The following ACIN1 variants were observed in gnomAD, a reference collection of about 807,000 sequenced individuals.
The protein encoded by ACIN1 is apoptotic chromatin condensation inducer in the nucleus.
In ACIN1, 16 loss-of-function variants were observed where a neutral mutation model predicts 146.6. That is an observed-to-expected ratio of 0.11 (90% CI 0.07 to 0.17). The LOEUF is 0.17. ACIN1 is among the 10% of genes least tolerant of loss of function. ACIN1 has a pLI of 1.00. For missense variants in ACIN1, 1,357 were observed against 1,609.3 expected (o/e 0.84, Z 2.68); for synonymous variants, 569 against 582.7 (o/e 0.98, Z 0.34).
rs1324503876 is a variant in ACIN1, at chr14:23,062,701, G to A, written c.2884-178C>T. On this transcript the variant is annotated intron_variant, in intron 14 of 18. Transcript: ENST00000605057. Reference sequence around the variant, plus strand: ...GGTGGTGCTTCCCAGCACTAATTGAGACGTTGTATGTGAGGCCTTCTGCAA... The same window carrying A: ...GGTGGTGCTTCCCAGCACTAATTGAAACGTTGTATGTGAGGCCTTCTGCAA... The A allele has an allele frequency of 5.4e-6, 4 of 742,872 alleles. No individual in the cohort carries two copies. In the East Asian group the frequency reaches 8.0e-5, roughly 15 times the overall value. 46.0% of individuals were successfully genotyped at this position (742,872 alleles called of 1,614,324 possible). A position where few individuals can be genotyped will look rare whatever the true frequency, so the allele number is the denominator to read the frequency against.
upstream of ACIN1, chr14:23,095,323 C>T: frequency 1.9e-6 from 3 of 1,559,976 alleles, no homozygotes; most frequent in African/African-American, 1.4e-5. Context: ...CCCTGCAGCG[C>T]CCCTTTTCTC....
chr14:23,078,998 T>G lies in ACIN1; in HGVS notation c.1829A>C (p.Tyr610Ser), dbSNP rs780149162. 1.9e-6 allele frequency: 3 copies of G among 1,614,112 alleles called. No homozygotes were observed. Among genetic ancestry groups the G allele is most frequent in the African/African-American group, 2.7e-5 (2 of 74,938 alleles). ...PGVSRDSSTS[Y>S]TETKDPSSGQ... ...AGAAGAGGGATCTTTGGTTTCAGTATAGCTGGTGCTGCTGTCCCTGGAGAC... is the reference window on the plus strand; with the variant it reads ...AGAAGAGGGATCTTTGGTTTCAGTAGAGCTGGTGCTGCTGTCCCTGGAGAC... Residue 610 changes from tyrosine to serine, a missense_variant, in exon 7 of 19, where the codon TAT (tyrosine) becomes TCT (serine). This residue lies in a region of ACIN1 where 771 missense variants were observed against 746.6 expected (regional missense o/e 1.03). Coordinates refer to ENST00000605057, the MANE Select transcript of ACIN1 (RefSeq NM_001386863.1).
rs2047873221 is a variant in ACIN1, at chr14:23,079,029, G to A, written c.1798C>T (p.Pro600Ser). 1 of 1,613,588 alleles carries A rather than the reference G, an allele frequency of 6.2e-7. No individual in the cohort carries two copies. Among genetic ancestry groups the A allele is most frequent in the South Asian group, 1.1e-5 (1 of 91,022 alleles). ...GTGCTGCTGTCCCTGGAGACTCCAG[G>A]GCTCAGAGACTAAAACAAAATGAAA... Reference protein sequence around the residue: ...ASSNSRKSLSPGVSRDSSTSY... With the variant: ...ASSNSRKSLSSGVSRDSSTSY... Residue 600 changes from proline to serine, a missense_variant, in exon 7 of 19, where the codon CCT becomes TCT. Pro to Ser is a moderately conservative substitution (Grantham distance 74, BLOSUM62 -1). Transcript: ENST00000605057.
chr14:23,084,516 A>G (rs2048036036), intron 4 of ACIN1, among the ~76,000 whole-genome samples: 1 of 151,940 alleles, frequency 6.6e-6, no homozygotes, highest in African/African-American at 2.4e-5. Flanking sequence ...GGGCTGAGGC[A>G]GAAGAATCGC....
chr14:23,094,937 C>A (rs1381661326), intron 1 of ACIN1, 38 bp downstream of exon 1: 1 of 1,549,666 alleles, frequency 6.5e-7, no homozygotes, highest in Admixed American at 1.8e-5. Context: ...CTACCGGGTC[C>A]GCTCTCCTCC....
rs1213927231 is a variant in ACIN1, at chr14:23,063,088, C to A, written c.2738-14G>T. On this transcript the variant is annotated splice_polypyrimidine_tract_variant and intron_variant, in intron 13 of 18. Coordinates refer to ENST00000605057, the MANE Select transcript of ACIN1 (RefSeq NM_001386863.1). The stretch of plus-strand genomic sequence containing the variant: ...CTCCTAAAGTCACTATCAAGAAGAC[C>A]ACAAGAACAGCTTTTGGTAGGAAGC... 6.3e-7 allele frequency: 1 copy of A among 1,592,494 alleles called. No homozygotes were observed. Among genetic ancestry groups the A allele is most frequent in the East Asian group, 2.2e-5 (1 of 44,708 alleles).
At position 23,080,347 on chromosome 14, in the gene ACIN1, A is replaced by T; in HGVS notation, c.988T>A (p.Ser330Thr). 1.2e-6 allele frequency: 2 copies of T among 1,614,094 alleles called. No individual in the cohort carries two copies. The highest frequency in any genetic ancestry group is 1.7e-6 in the Non-Finnish European group (2 of 1,180,006). ...QGLKEKSKSPSPPRLTEDRKK... is the reference protein window; with the variant it reads ...QGLKEKSKSPTPPRLTEDRKK... ...CGATCTTCAGTCAGTCGAGGAGGGG[A>T]AGGAGACTTCGATTTTTCCTTTAAG... is the stretch of plus-strand genomic sequence containing the variant. Residue 330 changes from serine (S) to threonine (T), a missense_variant, in exon 6 of 19, where the codon TCC (serine) becomes ACC (threonine). Physicochemically the swap from Ser to Thr is moderately conservative, Grantham distance 58 (BLOSUM62 1). Coordinates refer to ENST00000605057, the MANE Select transcript of ACIN1 (RefSeq NM_001386863.1).
In ACIN1 at chr14:23,079,519, A is replaced by G. The variant is rs745603981; in HGVS notation, c.1788+28T>C. 1.9e-6 allele frequency: 3 copies of G among 1,607,226 alleles called. No individual in the cohort carries two copies. In the South Asian group the frequency reaches 3.3e-5, roughly 18 times the overall value. On this transcript the variant is annotated intron_variant, in intron 6 of 18. Coordinates refer to ENST00000605057, the MANE Select transcript of ACIN1 (RefSeq NM_001386863.1). ...AACCACTGGAATATGACAGAACATT[A>G]ATACACCCGGGATTCTCTCATACTC...
chr14:23,060,098 C>A (rs1217847865), intron 18 of ACIN1, among the ~76,000 whole-genome samples: 1 of 151,466 alleles, frequency 6.6e-6, no homozygotes, highest in Non-Finnish European at 1.5e-5. Context: ...GCTGGGATTA[C>A]AGGTGTCTGC....
chr14:23,077,549 G>T (rs1192512040), intron 8 of ACIN1, among the ~76,000 whole-genome samples: 2 of 152,062 alleles, frequency 1.3e-5, no homozygotes, highest in African/African-American at 4.8e-5. Flanking sequence ...TTAATATAAA[G>T]ATTTTAAAAA....
At chr14:23,072,348 G>A (rs1281963831) in intron 8 of ACIN1, among the ~76,000 whole-genome samples, 1 of 152,158 alleles carries the variant, frequency 6.6e-6, no homozygotes, top group African/African-American at 2.4e-5. Flanking sequence ...CAGGGCAAGG[G>A]GACCTTGGGT....
chr14:23,072,224 A>G (rs2047679813), intron 8 of ACIN1, among the ~76,000 whole-genome samples: 1 of 152,114 alleles, frequency 6.6e-6, no homozygotes. Flanking sequence ...ATACCAGTAG[A>G]AGGGGGGCAG....
chr14:23,066,047 G>GAA, intron 9 of ACIN1, 39 bp from the exon 10 acceptor site: 3 of 1,586,206 alleles, frequency 1.9e-6, no homozygotes, highest in Non-Finnish European at 2.6e-6. Flanking sequence ...AAGAGAAAGA[G>GAA]AGACACCCCA....
chr14:23,073,434 C>A (rs1291606738), intron 8 of ACIN1, among the ~76,000 whole-genome samples: 1 of 152,100 alleles, frequency 6.6e-6, no homozygotes, highest in Non-Finnish European at 1.5e-5. Flanking sequence ...AATCCCAGCA[C>A]TTTGGGAGGC....
chr14:23,059,241 T>C lies in ACIN1; in HGVS notation c.3759A>G (p.Glu1253=). ...DRDRDRERDR[E]RGRERDRRDT... ...CCCTGCGATCCCTTTCCCTGCCTCG[T>C]TCTCGGTCCCTTTCCCTATCCCGAT... Residue 1253 remains glutamate (E), a synonymous_variant, in exon 19 of 19, where the codon GAA becomes GAG. Coordinates refer to ENST00000605057, the MANE Select transcript of ACIN1 (RefSeq NM_001386863.1). 1 of 1,613,762 alleles carries C rather than the reference T, an allele frequency of 6.2e-7. No homozygotes were observed. The highest frequency in any genetic ancestry group is 8.5e-7 in the Non-Finnish European group (1 of 1,179,810).
rs146137620 is a variant in ACIN1, at chr14:23,069,541, T to C, written c.2200A>G (p.Ile734Val). The change falls in exon 9 of 19, where the codon ATT becomes GTT. Residue 734 changes from isoleucine (I) to valine (V), a missense_variant. Coordinates refer to ENST00000605057, the MANE Select transcript of ACIN1 (RefSeq NM_001386863.1). Reference sequence around the variant, plus strand: ...TCATCATTGCTGACTTGGTCTGCAATAGGCATGGGAGGTTCTGGAACATCA... The same window carrying C: ...TCATCATTGCTGACTTGGTCTGCAACAGGCATGGGAGGTTCTGGAACATCA... ...ENDVPEPPMPIADQVSNDDRP... is the reference protein window; with the variant it reads ...ENDVPEPPMPVADQVSNDDRP... 2.1e-5 allele frequency: 34 copies of C among 1,613,750 alleles called. No homozygotes were observed. In the East Asian group the frequency reaches 3.8e-4, roughly 18 times the overall value.
At chr14:23,081,213 TAC>T (rs771354578) in intron 5 of ACIN1, among the ~76,000 whole-genome samples, 20 of 152,330 alleles carry the variant, frequency 1.3e-4, no homozygotes, top group Admixed American at 6.5e-4. Context: ...ATTTCCTTTG[TAC>T]AGTCATAATT....
chr14:23,072,009 T>TA (rs1254715455), intron 8 of ACIN1, among the ~76,000 whole-genome samples: 1 of 152,212 alleles, frequency 6.6e-6, no homozygotes, highest in East Asian at 1.9e-4. Flanking sequence ...TACCATCCTC[T>TA]ATCCAGTAAT....
chr14:23,092,635 T>C (rs1346991230), intron 2 of ACIN1, among the ~76,000 whole-genome samples: 1 of 152,206 alleles, frequency 6.6e-6, no homozygotes, highest in Non-Finnish European at 1.5e-5. Flanking sequence ...ACTTGGATTT[T>C]TCCTTTAAGT....
Sources: allele counts gnomAD v4.1 joint callset (sites outside exome capture counted in the v4.1 genomes callset), GRCh38; gene constraint gnomAD v4.1.1; regional missense constraint gnomAD v4.1.1; transcripts MANE v1.5; gene names NCBI Gene and HGNC (gene_info 2026-07-23, HGNC 2026-07-21).